The following ZSWIM4 variants were observed in gnomAD, a reference collection of about 807,000 sequenced individuals.
ZSWIM4 encodes zinc finger SWIM domain-containing protein 4.
A neutral mutation model predicts 102.5 loss-of-function variants in ZSWIM4; 62 were observed. That is an observed-to-expected ratio of 0.60 (90% confidence interval 0.49 to 0.75). ZSWIM4 has a LOEUF of 0.75. Among genes scored for constraint, ZSWIM4 ranks in the 30% least tolerant of loss-of-function variants. The probability of loss-of-function intolerance (pLI) is 0.00; values close to 1 mark genes in which losing one functional copy is unlikely to be tolerated. For missense variants in ZSWIM4, 1,280 were observed against 1,529.6 expected (o/e 0.84, Z 2.72); for synonymous variants, 652 against 674.5 (o/e 0.97, Z 0.52).
chr19:13,817,299 A>C lies in ZSWIM4; in HGVS notation c.1615A>C (p.Arg539=). ...CCTGGACCCCATTGGCTGCCTCTGC[A>C]GGGCGCTCCTGGAGGCCTGTCGTCT... ...HPLDPIGCLC[R]ALLEACRLEE... is the part of the protein sequence containing the mutation. The change falls in exon 8 of 14, where the codon AGG becomes CGG. Residue 539 remains arginine (R), a synonymous_variant. Coordinates refer to ENST00000590508, the MANE Select transcript of ZSWIM4 (RefSeq NM_001367834.3). 6.2e-7 allele frequency: 1 copy of C among 1,614,060 alleles called. No individual in the cohort carries two copies. Among genetic ancestry groups the C allele is most frequent in the Non-Finnish European group, 8.5e-7 (1 of 1,179,948 alleles).
rs1975343873 is a variant in ZSWIM4, at chr19:13,817,932, G to T, written c.1880G>T (p.Arg627Leu). Residue 627 changes from arginine to leucine, a missense_variant, in exon 9 of 14, where the codon CGG becomes CTG. Physicochemically the swap from Arg to Leu is moderately radical, Grantham distance 102. Coordinates refer to ENST00000590508, the MANE Select transcript of ZSWIM4 (RefSeq NM_001367834.3). ...CTGGAGGAGGTGGAGTTGGATGAGC[G>T]GTTGGTGCAGGTGCTGCGCAAGCAG... ...ALLEEVELDE[R>L]LVQVLRKQAG... The T allele has an allele frequency of 4.5e-6, 7 of 1,541,726 alleles. No homozygotes were observed. The highest frequency in any genetic ancestry group is 5.3e-6 in the Non-Finnish European group (6 of 1,142,342).
At chr19:13,827,619 A>G (rs370348969) in intron 12 of ZSWIM4, among the ~76,000 whole-genome samples, 3,868 of 151,446 alleles carry the variant, frequency 0.026, 170 homozygotes, top group African/African-American at 0.089. Flanking sequence ...AAAAGAAAAA[A>G]AAAGAAACTG....
chr19:13,828,922 G>A (rs1975683331), intron 13 of ZSWIM4, among the ~76,000 whole-genome samples, 196 bp downstream of exon 13: 1 of 151,630 alleles, frequency 6.6e-6, no homozygotes, highest in African/African-American at 2.4e-5. Flanking sequence ...GTAACATAGT[G>A]AGACCCCATC....
chr19:13,810,497 T>C (rs1975049265), intron 5 of ZSWIM4, among the ~76,000 whole-genome samples: 1 of 151,624 alleles, frequency 6.6e-6, no homozygotes, highest in Non-Finnish European at 1.5e-5. Flanking sequence ...TTCACCATGT[T>C]GATCAGGCTG....
chr19:13,817,996 C>G lies in ZSWIM4; in HGVS notation c.1924+20C>G. On this transcript the variant is annotated intron_variant, in intron 9 of 13. Coordinates refer to ENST00000590508, the MANE Select transcript of ZSWIM4 (RefSeq NM_001367834.3). ...TGGAAGGTGAGGCCGCGCCCCTAGG[C>G]CTGGCTGTTGCTGAAGGGTAGGGTC... 1 of 1,475,460 alleles carries G rather than the reference C, an allele frequency of 6.8e-7. No homozygotes were observed. Among genetic ancestry groups the G allele is most frequent in the East Asian group, 2.5e-5 (1 of 40,214 alleles). 91.4% of individuals were successfully genotyped at this position (1,475,460 alleles called of 1,614,324 possible).
At chr19:13,803,320 C>T (rs1232403161) in intron 2 of ZSWIM4, among the ~76,000 whole-genome samples, 1 of 152,198 alleles carries the variant, frequency 6.6e-6, no homozygotes, top group African/African-American at 2.4e-5. Flanking sequence ...AAGGGGACAC[C>T]TGGCCCCTGG....
chr19:13,828,363 G>A lies in ZSWIM4; in HGVS notation c.2380-282G>A, dbSNP rs557733753. Among the ~76,000 whole-genome samples the A allele has an allele frequency of 1.6e-4, 24 of 151,924 alleles. No individual in the cohort carries two copies. In the East Asian group the frequency reaches 1.7e-3, roughly 11 times the overall value. ...GCGGAGGTTGTAGTGAGCCAAGATC[G>A]CACCACTGCATGCCATTCTGGGTGA... On this transcript the variant is annotated intron_variant, in intron 12 of 13. Coordinates refer to ENST00000590508, the MANE Select transcript of ZSWIM4 (RefSeq NM_001367834.3).
Position 13,799,810 on chromosome 19 carries a change from T to C in ZSWIM4, c.244T>C (p.Tyr82His), listed in dbSNP as rs757555008. 5 of 1,613,944 alleles carry C rather than the reference T, an allele frequency of 3.1e-6. No individual in the cohort carries two copies. The highest frequency in any genetic ancestry group is 3.4e-6 in the Non-Finnish European group (4 of 1,180,032). Residue 82 changes from tyrosine to histidine, a missense_variant, in exon 2 of 14, where the codon TAC becomes CAC. Tyr to His is a moderately conservative substitution (Grantham distance 83). Transcript: ENST00000590508. ...FPRSEREICM[Y>H]SSLGYPPPEG... ...ACGCAGTGAACGGGAAATATGTATG[T>C]ACTCGTCGCTGGGTTACCCGCCCCC...
At chr19:13,827,142 C>T (rs1479200929) in intron 12 of ZSWIM4, among the ~76,000 whole-genome samples, 1 of 151,920 alleles carries the variant, frequency 6.6e-6, no homozygotes, top group Non-Finnish European at 1.5e-5. Flanking sequence ...TAAAAATTAG[C>T]CAGGTGTGAT....
chr19:13,819,778 C>T (rs1975412051), intron 10 of ZSWIM4, among the ~76,000 whole-genome samples: 1 of 150,712 alleles, frequency 6.6e-6, no homozygotes, highest in African/African-American at 2.4e-5. Context: ...AAGCAATTTC[C>T]TGCCTCAGCC....
rs534651742 is a variant in ZSWIM4 at position 13,807,615 on chromosome 19, G to A, written c.713-1221G>A. Among the ~76,000 whole-genome samples the A allele has an allele frequency of 5.4e-5, 8 of 148,318 alleles. No homozygotes were observed. The South Asian group carries it at 1.5e-3, about 27-fold the overall frequency. On this transcript the variant is annotated intron_variant, in intron 3 of 13. Transcript: ENST00000590508. ...GGATGGATGGATGGATGGATGGATG[G>A]ATGAATATTACTACAGGGGAGATAG...
rs771968751 is a variant in ZSWIM4 at position 13,804,892 on chromosome 19, C to G, written c.456C>G (p.Ser152=). The G allele has an allele frequency of 1.5e-5, 25 of 1,613,528 alleles. No homozygotes were observed. Among genetic ancestry groups the G allele is most frequent in the Non-Finnish European group, 2.0e-5 (24 of 1,180,032 alleles). The part of the protein sequence containing the change: ...SISFDRCKIT[S]VSCGCDNRDL... ...GCTTTGATCGCTGCAAGATCACGTC[C>G]GTGAGCTGCGGCTGTGACAACCGCG... Residue 152 remains serine, a synonymous_variant, in exon 3 of 14, where the codon TCC becomes TCG. Coordinates refer to ENST00000590508, the MANE Select transcript of ZSWIM4 (RefSeq NM_001367834.3).
chr19:13,799,114 C>T (rs571413788), intron 1 of ZSWIM4, among the ~76,000 whole-genome samples: 1 of 151,894 alleles, frequency 6.6e-6, no homozygotes, highest in Non-Finnish European at 1.5e-5. Context: ...GGATCTTGCT[C>T]TGTTGCCCAG....
rs542287197 is a variant in ZSWIM4 at position 13,809,009 on chromosome 19, G to A, written c.861+25G>A. ...GGTGCCGTGCGGGCCGGCGGGGCGC[G>A]GGGTGCAGAAGGCCCCGGCGGACGC... On this transcript the variant is annotated intron_variant, in intron 4 of 13. Coordinates refer to ENST00000590508, the MANE Select transcript of ZSWIM4 (RefSeq NM_001367834.3). The surrounding 1 kb of genome is among the most constrained non-coding windows in gnomAD (Gnocchi z 4.2). 8.1e-6 allele frequency: 13 copies of A among 1,609,300 alleles called. No homozygotes were observed. The highest frequency in any genetic ancestry group is 8.0e-5 in the African/African-American group (6 of 74,938).
rs1369498470 is a variant in ZSWIM4, at chr19:13,799,570, C to G, written c.154-150C>G. On this transcript the variant is annotated intron_variant, in intron 1 of 13. Coordinates refer to ENST00000590508, the MANE Select transcript of ZSWIM4 (RefSeq NM_001367834.3). ...GGATTACAGGCGTGAGCCATCGTGC[C>G]CGGCCAGTTTTTTTGTAAAGATGGG... 5.4e-6 allele frequency: 4 copies of G among 746,202 alleles called. No homozygotes were observed. In the African/African-American group the frequency reaches 7.0e-5, roughly 13 times the overall value. The allele number at this position is 746,202 out of a possible 1,614,324, so 46.2% of individuals were successfully genotyped here. A position where few individuals can be genotyped will look rare whatever the true frequency, so the allele number is the denominator to read the frequency against.
intron 2 of ZSWIM4, among the ~76,000 whole-genome samples, chr19:13,803,010 G>A (rs943082575): frequency 6.7e-6 from 1 of 148,158 alleles, no homozygotes; most frequent in Non-Finnish European, 1.5e-5. Context: ...GCCAGACTCA[G>A]AAAGGGACCA....
intron 1 of ZSWIM4, chr19:13,796,861 G>C (rs1424575439): frequency 4.6e-5 from 7 of 152,414 alleles, no homozygotes; most frequent in African/African-American, 1.7e-4. Context: ...TTCCTGCCCG[G>C]CCTCTCTGGA....
intron 5 of ZSWIM4, among the ~76,000 whole-genome samples, chr19:13,811,314 G>T (rs1240050570): frequency 6.6e-6 from 1 of 152,128 alleles, no homozygotes; most frequent in Non-Finnish European, 1.5e-5. Flanking sequence ...TAGTAAAAAA[G>T]GCAGACACAG....
chr19:13,830,351 C>T lies in ZSWIM4; in HGVS notation c.2622C>T (p.Thr874=). 6.2e-7 allele frequency: 1 copy of T among 1,613,308 alleles called. No individual in the cohort carries two copies. Among genetic ancestry groups the T allele is most frequent in the Non-Finnish European group, 8.5e-7 (1 of 1,180,000 alleles). Residue 874 remains threonine (T), a synonymous_variant, in exon 14 of 14, where the codon ACC becomes ACT. Transcript: ENST00000590508. ...RREELWACAR[T]LALQCAMKDP... is the part of the protein sequence containing the mutation. Reference sequence around the variant, plus strand: ...AGGAGCTCTGGGCCTGCGCCCGCACCCTGGCCTTGCAGTGCGCGATGAAGG... The same window carrying T: ...AGGAGCTCTGGGCCTGCGCCCGCACTCTGGCCTTGCAGTGCGCGATGAAGG...
Sources: gnomAD v4.1 joint callset for allele counts (sites outside exome capture counted in the v4.1 genomes callset) on GRCh38, gnomAD v4.1.1 for gene constraint, Gnocchi (gnomAD v3.1) non-coding constraint, MANE v1.5 for transcripts, NCBI Gene and HGNC (gene_info 2026-07-23, HGNC 2026-07-21) for gene names.